MALRD1: variants seen among roughly 807,000 people sequenced by gnomAD.
MALRD1 encodes the protein MAM and LDL receptor class A domain containing 1, also known as MAM and LDL-receptor class A domain-containing protein 1.
Under a neutral mutation model 242.1 loss-of-function variants are expected in MALRD1, and 247 were observed. The observed-to-expected ratio is 1.02, with a 90% CI of 0.92 to 1.13. The LOEUF (loss-of-function observed/expected upper bound fraction) is 1.13. Among genes scored for constraint, MALRD1 ranks in the 50% most tolerant of loss-of-function variants. The probability of loss-of-function intolerance (pLI) is 0.00; values close to 1 mark genes in which losing one functional copy is unlikely to be tolerated. For missense variants in MALRD1, 2,989 were observed against 2,533.1 expected, an observed-to-expected ratio of 1.18 and a Z score of -3.86; for synonymous variants, 995 against 866.6, an observed-to-expected ratio of 1.15 and a Z score of -2.60.
intron 18 of MALRD1, among the ~76,000 whole-genome samples, chr10:19,246,907 T>C (rs1342817745): frequency 6.6e-6 from 1 of 152,136 alleles, no homozygotes; most frequent in East Asian, 1.9e-4. Flanking sequence ...TCTCTATCAC[T>C]TAGCTTAATA....
chr10:19,122,745 A>C (rs1187054313), intron 5 of MALRD1, among the ~76,000 whole-genome samples: 1 of 151,524 alleles, frequency 6.6e-6, no homozygotes, highest in Non-Finnish European at 1.5e-5. Flanking sequence ...TTTTTTTTTG[A>C]GATGGAGTCT....
chr10:19,688,857 C>T (rs1056088980), intron 36 of MALRD1, among the ~76,000 whole-genome samples: 1 of 152,204 alleles, frequency 6.6e-6, no homozygotes, highest in Non-Finnish European at 1.5e-5. Flanking sequence ...ACTTTGAACA[C>T]TGGATATTCC....
In MALRD1 at chr10:19,708,810, C is replaced by G. The variant is rs1352328101; in HGVS notation, c.6314+16256C>G. On this transcript the variant is annotated intron_variant, in intron 38 of 39. Coordinates refer to ENST00000454679, the MANE Select transcript of MALRD1 (RefSeq NM_001142308.3). Reference sequence around the variant, plus strand: ...CCGAGTACCTGGGACTACAGGCGCACGCCACCACACCCAGCTAATTTTTGT... The same window carrying G: ...CCGAGTACCTGGGACTACAGGCGCAGGCCACCACACCCAGCTAATTTTTGT... Among the ~76,000 whole-genome samples, 2 of 120,940 alleles carry G rather than the reference C, an allele frequency of 1.7e-5. 1 individual carries two copies. The highest frequency in any genetic ancestry group is 3.8e-5 in the Non-Finnish European group (2 of 52,762). 79.3% of individuals were successfully genotyped at this position (120,940 alleles called of 152,430 possible).
At chr10:19,471,637 G>T (rs1836503066) in intron 29 of MALRD1, among the ~76,000 whole-genome samples, 2 of 130,474 alleles carry the variant, frequency 1.5e-5, no homozygotes, top group African/African-American at 2.9e-5. Context: ...TTACTTTTCA[G>T]TATGCATATA....
At chr10:19,097,950 G>C (rs1300416671) in intron 4 of MALRD1, among the ~76,000 whole-genome samples, 1 of 152,070 alleles carries the variant, frequency 6.6e-6, no homozygotes, top group African/African-American at 2.4e-5. Flanking sequence ...GGGTGGACGC[G>C]TTCCTCCTCT....
intron 28 of MALRD1, among the ~76,000 whole-genome samples, chr10:19,429,449 A>G (rs921776349): frequency 6.6e-6 from 1 of 152,188 alleles, no homozygotes; most frequent in Non-Finnish European, 1.5e-5. Flanking sequence ...CTGTGATCCC[A>G]GCTACTCAGA....
In MALRD1 at chr10:19,128,341, A is replaced by G; in HGVS notation, c.1064A>G (p.Tyr355Cys). ...AAGAGCTGTCATCTTCAATTCTATTATGCAATGGAAAGCAGTGTCCTGAGA... is the reference window on the plus strand; with the variant it reads ...AAGAGCTGTCATCTTCAATTCTATTGTGCAATGGAAAGCAGTGTCCTGAGA... ...LGKSCHLQFY[Y>C]AMESSVLRVR... Residue 355 changes from tyrosine to cysteine, a missense_variant, in exon 8 of 40, where the codon TAT becomes TGT. Transcript: ENST00000454679. 1.6e-6 allele frequency: 2 copies of G among 1,233,360 alleles called. No homozygotes were observed. The highest frequency in any genetic ancestry group is 1.5e-5 in the African/African-American group (1 of 64,590). The allele number at this position is 1,233,360 out of a possible 1,614,324, so 76.4% of individuals were successfully genotyped here. A position where few individuals can be genotyped will look rare whatever the true frequency, so the allele number is the denominator to read the frequency against.
In MALRD1 at chr10:19,090,488, G is replaced by A. The variant is rs1320580464; in HGVS notation, c.597+2303G>A. ...GCTTATCAGCTTAAGGAGATTTTGG[G>A]TTGAGACGATGGGGTTTTCTAGATA... On this transcript the variant is annotated intron_variant, in intron 4 of 39. Transcript: ENST00000454679. Among the ~76,000 whole-genome samples, 3 of 71,372 alleles carry A rather than the reference G, an allele frequency of 4.2e-5. No individual in the cohort carries two copies. In the South Asian group the frequency reaches 2.0e-3, roughly 48 times the overall value. 46.8% of individuals were successfully genotyped at this position (71,372 alleles called of 152,430 possible).
chr10:19,371,140 G>A (rs1845357572), intron 26 of MALRD1, among the ~76,000 whole-genome samples: 1 of 150,322 alleles, frequency 6.7e-6, no homozygotes, highest in African/African-American at 2.4e-5. Context: ...GCATGCACCT[G>A]TCGTCCCAGC....
At chr10:19,231,353 C>G (rs1838058757) in intron 18 of MALRD1, among the ~76,000 whole-genome samples, 1 of 152,160 alleles carries the variant, frequency 6.6e-6, no homozygotes, top group South Asian at 2.1e-4. Context: ...GTTCTCTACA[C>G]AAATCTCTAT....
chr10:19,123,052 G>T (rs894363600), intron 5 of MALRD1, among the ~76,000 whole-genome samples: 2 of 152,170 alleles, frequency 1.3e-5, no homozygotes, highest in African/African-American at 4.8e-5. Context: ...CACAATTTGA[G>T]AAAGCTCCAG....
rs1564425290 is a variant in MALRD1 at position 19,539,855 on chromosome 10, TGCGTGTGTG to T, written c.5478+8505_5478+8513del. 8.3e-3 allele frequency among the ~76,000 whole-genome samples: 729 copies of T among 87,432 alleles called. 16 individuals are homozygous for T. Among genetic ancestry groups the T allele is most frequent in the South Asian group, 0.016 (42 of 2,650 alleles). 57.4% of individuals were successfully genotyped at this position (87,432 alleles called of 152,430 possible). A position where few individuals can be genotyped will look rare whatever the true frequency, so the allele number is the denominator to read the frequency against. The stretch of plus-strand genomic sequence containing the variant: ...GCATGCGCCACCACACCCAGCTTTG[TGCGTGTGTG>T]TGTGTGTGTGTGTGTGTGTGTGTGT... On this transcript the variant is annotated intron_variant, in intron 32 of 39. Transcript: ENST00000454679.
At chr10:19,304,443 A>G (rs1448522734) in intron 21 of MALRD1, among the ~76,000 whole-genome samples, 1 of 151,692 alleles carries the variant, frequency 6.6e-6, no homozygotes, top group Non-Finnish European at 1.5e-5. Context: ...TGACTAATAT[A>G]GCATATCCGT....
intron 31 of MALRD1, among the ~76,000 whole-genome samples, chr10:19,530,366 AATAT>A (rs1564417028): frequency 2.2e-4 from 24 of 106,956 alleles, no homozygotes; most frequent in African/African-American, 1.3e-3. Flanking sequence ...TATTTATATA[AATAT>A]TTATATAAAT....
intron 19 of MALRD1, among the ~76,000 whole-genome samples, chr10:19,259,796 T>G (rs930888539): frequency 4.6e-5 from 7 of 152,200 alleles, no homozygotes; most frequent in Non-Finnish European, 5.9e-5. Context: ...TGCCAGAGTT[T>G]CTTCTTCAGG....
At chr10:19,594,942 T>C (rs1197024985) in intron 33 of MALRD1, among the ~76,000 whole-genome samples, 1 of 152,090 alleles carries the variant, frequency 6.6e-6, no homozygotes, top group Non-Finnish European at 1.5e-5. Context: ...AAAGAACTTA[T>C]TAATATAACC....
chr10:19,096,365 C>A (rs1588536718), intron 4 of MALRD1, among the ~76,000 whole-genome samples: 1 of 152,118 alleles, frequency 6.6e-6, no homozygotes, highest in Non-Finnish European at 1.5e-5. Context: ...GTGGCTTCAA[C>A]TAAAGCAGAT....
intron 19 of MALRD1, among the ~76,000 whole-genome samples, chr10:19,268,000 CTTATT>C (rs935144092): frequency 1.3e-5 from 2 of 152,060 alleles, no homozygotes; most frequent in Non-Finnish European, 2.9e-5. Flanking sequence ...AAATTATTCA[CTTATT>C]TTAAAGTTAA....
intron 19 of MALRD1, among the ~76,000 whole-genome samples, chr10:19,277,889 T>C (rs965858414): frequency 1.3e-5 from 2 of 152,206 alleles, no homozygotes; most frequent in Non-Finnish European, 2.9e-5. Flanking sequence ...CCATCTCTGT[T>C]TTGGTTTATT....
Sources: gnomAD v4.1 joint callset for allele counts (sites outside exome capture counted in the v4.1 genomes callset) on GRCh38, gnomAD v4.1.1 for gene constraint, MANE v1.5 for transcripts, NCBI Gene and HGNC (gene_info 2026-07-23, HGNC 2026-07-21) for gene names.